SLC39A10: variants seen among roughly 807,000 people sequenced by gnomAD.
The protein encoded by SLC39A10 is solute carrier family 39 member 10, also known as zinc transporter ZIP10.
A neutral mutation model predicts 65.1 loss-of-function variants in SLC39A10; 13 were observed. That is an observed-to-expected ratio of 0.20 (90% CI 0.13 to 0.32). SLC39A10 has a LOEUF of 0.32. Ranked by LOEUF, SLC39A10 falls within the 10% of genes least tolerant of loss-of-function variation. SLC39A10 has a pLI of 1.00. For missense variants in SLC39A10, 831 were observed against 1,018.4 expected (o/e 0.82, Z 2.50); for synonymous variants, 321 against 342.2 (o/e 0.94, Z 0.68).
rs754253613 is a variant in SLC39A10, at chr2:195,716,974, C to T, written c.2034C>T (p.Gly678=). 3 of 1,614,038 alleles carry T rather than the reference C, an allele frequency of 1.9e-6. No homozygotes were observed. The highest frequency in any genetic ancestry group is 2.5e-6 in the Non-Finnish European group (3 of 1,179,922). Residue 678 remains glycine (G), a synonymous_variant, in exon 7 of 10, where the codon GGC becomes GGT. Coordinates refer to ENST00000359634, the MANE Select transcript of SLC39A10 (RefSeq NM_020342.3). ...CCTGGATGGTGATCATGGGGGATGGCATCCACAACTTCAGTGATGGGCTCG... is the reference window on the plus strand; with the variant it reads ...CCTGGATGGTGATCATGGGGGATGGTATCCACAACTTCAGTGATGGGCTCG... ...NIAWMVIMGD[G]IHNFSDGLAI... is the part of the protein sequence containing the mutation.
intron 3 of SLC39A10, among the ~76,000 whole-genome samples, chr2:195,694,602 A>G (rs112178305): frequency 6.6e-6 from 1 of 152,134 alleles, no homozygotes; most frequent in Non-Finnish European, 1.5e-5. Flanking sequence ...GGTGTGATCC[A>G]CCTTCAGGTC....
intron 2 of SLC39A10, among the ~76,000 whole-genome samples, chr2:195,640,299 A>C (rs1688780233): frequency 6.6e-6 from 1 of 151,888 alleles, no homozygotes; most frequent in African/African-American, 2.4e-5. Context: ...CAGGTAGATG[A>C]AAGCCCTGCC....
At chr2:195,646,468 C>T (rs946205332) in intron 2 of SLC39A10, among the ~76,000 whole-genome samples, 1 of 152,300 alleles carries the variant, frequency 6.6e-6, no homozygotes, top group East Asian at 1.9e-4. Context: ...TGTTATGCAG[C>T]TCTGTAGGTC....
At chr2:195,658,417 A>T (rs1009720878) in intron 1 of SLC39A10, 3 of 152,190 alleles carry the variant, frequency 2.0e-5, no homozygotes, top group African/African-American at 4.8e-5. Context: ...AAAAACAAAA[A>T]GTATGGTAGG....
intron 1 of SLC39A10, among the ~76,000 whole-genome samples, chr2:195,667,319 T>C (rs1484321249): frequency 6.6e-6 from 1 of 152,178 alleles, no homozygotes; most frequent in East Asian, 1.9e-4. Flanking sequence ...ACCATGAAGC[T>C]GTAAGAGGAT....
At chr2:195,695,625 T>C (rs1474110424) in intron 3 of SLC39A10, among the ~76,000 whole-genome samples, 2 of 152,212 alleles carry the variant, frequency 1.3e-5, no homozygotes, top group Non-Finnish European at 2.9e-5. Flanking sequence ...GTGAATTCTC[T>C]CAGCTTTTTG....
chr2:195,658,812 T>TA (rs1689268083), intron 1 of SLC39A10, among the ~76,000 whole-genome samples: 2 of 56,554 alleles, frequency 3.5e-5, no homozygotes, highest in African/African-American at 6.6e-5. Flanking sequence ...ACTGGAAACA[T>TA]ATAATATCAG....
intron 3 of SLC39A10, among the ~76,000 whole-genome samples, chr2:195,695,703 A>T (rs945655060): frequency 2.0e-5 from 3 of 152,230 alleles, no homozygotes; most frequent in Admixed American, 1.3e-4. Flanking sequence ...GCTCTGTCCG[A>T]GCAGGAGCTG....
At chr2:195,701,462 A>ATTT (rs1691189607) in intron 3 of SLC39A10, among the ~76,000 whole-genome samples, 1 of 39,552 alleles carries the variant, frequency 2.5e-5, no homozygotes, top group South Asian at 8.8e-4. Flanking sequence ...TTTTTTTTTA[A>ATTT]TGTGCCTTGC....
At chr2:195,709,115 C>G (rs1691511346) in intron 5 of SLC39A10, among the ~76,000 whole-genome samples, 2 of 152,126 alleles carry the variant, frequency 1.3e-5, no homozygotes, top group African/African-American at 4.8e-5. Context: ...ACCTTGACCT[C>G]CTGGGCTCAG....
At chr2:195,636,521 G>C (rs745408200) in intron 2 of SLC39A10, among the ~76,000 whole-genome samples, 9 of 152,166 alleles carry the variant, frequency 5.9e-5, no homozygotes, top group Non-Finnish European at 1.2e-4. Flanking sequence ...GGAGGCTGAG[G>C]CGGGTGGATC....
At chr2:195,734,150 C>CTT (rs1169822973) in intron 9 of SLC39A10, among the ~76,000 whole-genome samples, 3 of 98,580 alleles carry the variant, frequency 3.0e-5, no homozygotes, top group African/African-American at 1.1e-4. Context: ...AAGAATCTTC[C>CTT]TTTTTTTTTA....
chr2:195,644,337 ATTT>A (rs11356815), intron 2 of SLC39A10, among the ~76,000 whole-genome samples: 33 of 85,986 alleles, frequency 3.8e-4, no homozygotes, highest in Admixed American at 8.5e-4. Flanking sequence ...TCTCAAATAA[ATTT>A]TTTTTTTTTT....
At chr2:195,693,690 C>G (rs968201763) in intron 3 of SLC39A10, among the ~76,000 whole-genome samples, 2 of 152,132 alleles carry the variant, frequency 1.3e-5, no homozygotes, top group African/African-American at 4.8e-5. Context: ...TGGATCTTCT[C>G]TCTTCTTAGT....
intron 2 of SLC39A10, among the ~76,000 whole-genome samples, chr2:195,628,849 C>T (rs756981355): frequency 6.6e-6 from 1 of 152,206 alleles, no homozygotes; most frequent in Non-Finnish European, 1.5e-5. Flanking sequence ...CAAATGTAAT[C>T]TAAAATGCTG....
chr2:195,724,514 T>C (rs988875360), intron 8 of SLC39A10, among the ~76,000 whole-genome samples: 2 of 152,308 alleles, frequency 1.3e-5, no homozygotes, highest in African/African-American at 2.4e-5. Context: ...AAGATAAGTA[T>C]ACAAAAATCA....
At chr2:195,720,287 GTATT>G (rs376589067) in intron 8 of SLC39A10, among the ~76,000 whole-genome samples, 9 of 152,162 alleles carry the variant, frequency 5.9e-5, no homozygotes, top group African/African-American at 2.2e-4. Flanking sequence ...ATTTTAGTTG[GTATT>G]TATTGGTTTA....
chr2:195,641,685 C>CT (rs757617526), intron 2 of SLC39A10, among the ~76,000 whole-genome samples: 25,396 of 128,072 alleles, frequency 0.2, 3,179 homozygotes, highest in East Asian at 0.56. Flanking sequence ...TAGTATAGTT[C>CT]TTTTTTTTTT....
chr2:195,669,861 C>A (rs936389587), intron 1 of SLC39A10, among the ~76,000 whole-genome samples: 2 of 152,066 alleles, frequency 1.3e-5, no homozygotes, highest in South Asian at 4.1e-4. Context: ...GAATAAATGT[C>A]TTTAAAAAAG....
Sources: allele counts gnomAD v4.1 joint callset (sites outside exome capture counted in the v4.1 genomes callset), GRCh38; gene constraint gnomAD v4.1.1; transcripts MANE v1.5; gene names NCBI Gene and HGNC (gene_info 2026-07-23, HGNC 2026-07-21).